The following CUX2 variants were observed in gnomAD, a reference collection of about 807,000 sequenced individuals.
CUX2 encodes homeobox protein cut-like 2.
Under a neutral mutation model 144.8 loss-of-function variants are expected in CUX2, and 40 were observed. The observed-to-expected ratio is 0.28, with a 90% CI of 0.21 to 0.36. The LOEUF (loss-of-function observed/expected upper bound fraction) is 0.36, where lower values mean the gene tolerates loss of function less well. CUX2 is among the 10% of genes least tolerant of loss of function. The pLI, the probability that CUX2 is intolerant of heterozygous loss-of-function variation, is 1.00. For synonymous variants in CUX2, 827 were observed against 875.6 expected, an observed-to-expected ratio of 0.94 and a Z score of 0.98; for missense variants, 1,615 against 1,994.0, an observed-to-expected ratio of 0.81 and a Z score of 3.62.
At chr12:111,305,084 T>C (rs767069920) in intron 10 of CUX2, among the ~76,000 whole-genome samples, 3 of 152,200 alleles carry the variant, frequency 2.0e-5, no homozygotes, top group Non-Finnish European at 2.9e-5. Context: ...TGTGCCTCTT[T>C]GGGGTCCTAG....
At chr12:111,164,407 C>T (rs1305724967) in intron 1 of CUX2, among the ~76,000 whole-genome samples, 4 of 151,894 alleles carry the variant, frequency 2.6e-5, no homozygotes, top group Admixed American at 2.6e-4. Flanking sequence ...GAAACCCCGT[C>T]TCTACTAAAA....
intron 1 of CUX2, among the ~76,000 whole-genome samples, chr12:111,062,606 G>A (rs1870830416): frequency 6.6e-6 from 1 of 152,202 alleles, no homozygotes; most frequent in Non-Finnish European, 1.5e-5. Flanking sequence ...CTCTGCTCTC[G>A]AGGTGCTTTG....
Position 111,322,286 on chromosome 12 carries a change from C to A in CUX2, c.2767-135C>A. 1.0e-6 allele frequency: 1 copy of A among 987,112 alleles called. No individual in the cohort carries two copies. The highest frequency in any genetic ancestry group is 1.8e-5 in the South Asian group (1 of 55,182). 61.1% of individuals were successfully genotyped at this position (987,112 alleles called of 1,614,324 possible). A position where few individuals can be genotyped will look rare whatever the true frequency, so the allele number is the denominator to read the frequency against. ...TGAGCTGAGATGGTGCCACTGCACT[C>A]CATCCTGGGCGACAGACAAAGCGAG... On this transcript the variant is annotated intron_variant, in intron 17 of 21. Coordinates refer to ENST00000261726, the MANE Select transcript of CUX2 (RefSeq NM_015267.4). The surrounding 1 kb of genome is among the most constrained non-coding windows in gnomAD (Gnocchi z 4.2).
At position 111,263,104 on chromosome 12, in the gene CUX2, T is replaced by C. The variant is rs1215534951; in HGVS notation, c.223-657T>C. 6.6e-6 allele frequency among the ~76,000 whole-genome samples: 1 copy of C among 152,204 alleles called. No homozygotes were observed. The highest frequency in any genetic ancestry group is 1.5e-5 in the Non-Finnish European group (1 of 68,034). On this transcript the variant is annotated intron_variant, in intron 3 of 21. Transcript: ENST00000261726. The surrounding 1 kb of genome is among the most constrained non-coding windows in gnomAD (Gnocchi z 4.0). ...GGAGCTGGGCTTTCAACCCAGATTTTCTAACTCCAGAGCCCACACTTTTAA... is the reference window on the plus strand; with the variant it reads ...GGAGCTGGGCTTTCAACCCAGATTTCCTAACTCCAGAGCCCACACTTTTAA...
chr12:111,208,151 CT>C (rs1249431465), intron 1 of CUX2, among the ~76,000 whole-genome samples: 1 of 152,002 alleles, frequency 6.6e-6, no homozygotes, highest in African/African-American at 2.4e-5. Context: ...TTCATGGAAT[CT>C]CTTTAAAGCC....
rs1398701776 is a variant in CUX2 at position 111,037,650 on chromosome 12, A to G, written c.63+3410A>G. On this transcript the variant is annotated intron_variant, in intron 1 of 21. Transcript: ENST00000261726. This position sits in a 1 kb window ranked among gnomAD's most constrained non-coding sequence, Gnocchi z 5.4. ...ATTCCATCCAAAGATAATGCTAGGC[A>G]TATTTCATTTGGTTATAAGATTGCT... is the stretch of plus-strand genomic sequence containing the variant. Among the ~76,000 whole-genome samples the G allele has an allele frequency of 1.3e-5, 2 of 152,256 alleles. No homozygotes were observed. Among genetic ancestry groups the G allele is most frequent in the Non-Finnish European group, 2.9e-5 (2 of 68,058 alleles).
intron 1 of CUX2, among the ~76,000 whole-genome samples, chr12:111,095,025 C>G (rs1049048958): frequency 6.6e-6 from 1 of 152,172 alleles, no homozygotes; most frequent in Non-Finnish European, 1.5e-5. Flanking sequence ...TGTCTGTCTC[C>G]TCCTATTTAG....
At chr12:111,262,329 G>A (rs1455501562) in intron 3 of CUX2, among the ~76,000 whole-genome samples, 2 of 151,986 alleles carry the variant, frequency 1.3e-5, no homozygotes, top group African/African-American at 2.4e-5. Flanking sequence ...AGAGACCAGG[G>A]ACTTTCTCAG....
At chr12:111,155,931 A>T (rs947197307) in intron 1 of CUX2, among the ~76,000 whole-genome samples, 43 of 151,978 alleles carry the variant, frequency 2.8e-4, no homozygotes, top group Middle Eastern at 3.4e-3. Context: ...AATAAAAAAA[A>T]AAAATAAAAA....
Position 111,035,496 on chromosome 12 carries a change from G to T in CUX2, c.63+1256G>T, listed in dbSNP as rs1441334057. ...AGTCTCGCAAAGTCTCGGCGGGTGCGGCGGGGATCAGGGGCGGGAAAATGG... is the reference window on the plus strand; with the variant it reads ...AGTCTCGCAAAGTCTCGGCGGGTGCTGCGGGGATCAGGGGCGGGAAAATGG... On this transcript the variant is annotated intron_variant, in intron 1 of 21. Coordinates refer to ENST00000261726, the MANE Select transcript of CUX2 (RefSeq NM_015267.4). This position sits in a 1 kb window ranked among gnomAD's most constrained non-coding sequence, Gnocchi z 6.0. 6.6e-6 allele frequency among the ~76,000 whole-genome samples: 1 copy of T among 152,158 alleles called. No individual in the cohort carries two copies. Among genetic ancestry groups the T allele is most frequent in the Admixed American group, 6.5e-5 (1 of 15,284 alleles).
At chr12:111,308,374 C>T (rs765979170) in intron 13 of CUX2, 41 bp downstream of exon 13, 1 of 1,613,952 alleles carries the variant, frequency 6.2e-7, no homozygotes, top group South Asian at 1.1e-5. Context: ...CAGGCTGCCC[C>T]AGTGAGCCTT....
At chr12:111,202,740 A>T (rs1215528849) in intron 1 of CUX2, among the ~76,000 whole-genome samples, 2 of 152,088 alleles carry the variant, frequency 1.3e-5, no homozygotes, top group African/African-American at 4.8e-5. Flanking sequence ...GACTACATAA[A>T]TGTGTCAACG....
At chr12:111,311,023 C>T (rs1886871633) in intron 15 of CUX2, among the ~76,000 whole-genome samples, 1 of 152,250 alleles carries the variant, frequency 6.6e-6, no homozygotes, top group Admixed American at 6.5e-5. Context: ...GACCGCCAAC[C>T]TTACCAGACT....
chr12:111,310,168 C>G lies in CUX2; in HGVS notation c.1386C>G (p.Pro462=). Residue 462 remains proline, a synonymous_variant, in exon 15 of 22, where the codon CCC becomes CCG. Coordinates refer to ENST00000261726, the MANE Select transcript of CUX2 (RefSeq NM_015267.4). This position sits in a 1 kb window ranked among gnomAD's most constrained non-coding sequence, Gnocchi z 7.9. The part of the protein sequence containing the change: ...EDPLSPSPGQ[P]LLGPSLGPDG... ...CCCTGTCTCCCAGCCCCGGGCAGCC[C>G]CTGCTGGGCCCCAGCTTGGGGCCTG... 1 of 1,554,020 alleles carries G rather than the reference C, an allele frequency of 6.4e-7. No homozygotes were observed. The highest frequency in any genetic ancestry group is 8.7e-7 in the Non-Finnish European group (1 of 1,151,954).
chr12:111,069,391 C>T (rs1391235380), intron 1 of CUX2, among the ~76,000 whole-genome samples: 1 of 152,100 alleles, frequency 6.6e-6, no homozygotes, highest in Non-Finnish European at 1.5e-5. Flanking sequence ...CCCACAGTAA[C>T]TTTCCATACT....
chr12:111,216,443 A>G (rs923154211), intron 2 of CUX2, among the ~76,000 whole-genome samples: 1 of 152,236 alleles, frequency 6.6e-6, no homozygotes, highest in African/African-American at 2.4e-5. Context: ...TTCGAACTTT[A>G]CGGTGGGTTG....
In CUX2 at chr12:111,295,231, A is replaced by C; in HGVS notation, c.561-102A>C. On this transcript the variant is annotated intron_variant, in intron 6 of 21. Coordinates refer to ENST00000261726, the MANE Select transcript of CUX2 (RefSeq NM_015267.4). The surrounding 1 kb of genome is among the most constrained non-coding windows in gnomAD (Gnocchi z 5.0). ...GCAGAAAGACAGAGGTGCAGGTTAC[A>C]GGGAGTGGGCAAGGGGTAGGAAGCA... 4.3e-6 allele frequency: 4 copies of C among 923,194 alleles called. No homozygotes were observed. The highest frequency in any genetic ancestry group is 6.7e-6 in the Non-Finnish European group (4 of 601,468). The allele number at this position is 923,194 out of a possible 1,614,324, so 57.2% of individuals were successfully genotyped here. A position where few individuals can be genotyped will look rare whatever the true frequency, so the allele number is the denominator to read the frequency against.
chr12:111,134,792 T>C (rs369256871), intron 1 of CUX2, among the ~76,000 whole-genome samples: 1 of 152,254 alleles, frequency 6.6e-6, no homozygotes, highest in African/African-American at 2.4e-5. Context: ...ACACTTGAGC[T>C]GTGTTATGAA....
rs1361366179 is a variant in CUX2 at position 111,277,079 on chromosome 12, G to A, written c.301+13240G>A. Among the ~76,000 whole-genome samples, 1 of 152,132 alleles carries A rather than the reference G, an allele frequency of 6.6e-6. No individual in the cohort carries two copies. Among genetic ancestry groups the A allele is most frequent in the Non-Finnish European group, 1.5e-5 (1 of 68,010 alleles). On this transcript the variant is annotated intron_variant, in intron 4 of 21. Transcript: ENST00000261726. The surrounding 1 kb of genome is among the most constrained non-coding windows in gnomAD (Gnocchi z 5.0). ...CAGGTGGGGGTCTCATCTGCCCCCT[G>A]CCCTACCCAACCTTGTGGATGTGGG...
Sources: allele counts gnomAD v4.1 joint callset (sites outside exome capture counted in the v4.1 genomes callset), GRCh38; gene constraint gnomAD v4.1.1; non-coding constraint Gnocchi (gnomAD v3.1); transcripts MANE v1.5; gene names NCBI Gene and HGNC (gene_info 2026-07-23, HGNC 2026-07-21).